Variants in COL6A3 observed in about 807,000 individuals in gnomAD.
COL6A3 encodes collagen type VI alpha 3 chain.
COL6A3 carries 137 observed loss-of-function variants against 274.1 expected under a neutral mutation model. The ratio of observed to expected loss-of-function variants is 0.50; its 90% CI spans 0.44 to 0.58. The LOEUF is 0.58. Ranked by LOEUF, COL6A3 falls within the 20% of genes least tolerant of loss-of-function variation. The pLI is 0.00. For synonymous variants in COL6A3, 1,650 were observed against 1,650.6 expected (o/e 1.00, Z 0.01); for missense variants, 3,950 against 4,124.9 (o/e 0.96, Z 1.16).
Position 237,378,765 on chromosome 2 carries a change from C to A in COL6A3, c.2368G>T (p.Ala790Ser), listed in dbSNP as rs1469348265. 6.2e-7 allele frequency: 1 copy of A among 1,614,216 alleles called. No individual in the cohort carries two copies. Among genetic ancestry groups the A allele is most frequent in the Non-Finnish European group, 8.5e-7 (1 of 1,180,044 alleles). ...AGATACACCAGGCTTGGGTTAAAAG[C>A]AATCTGCTCAAGCTCTGCCTTATTC... ...QANKAELEQI[A>S]FNPSLVYLMD... Residue 790 changes from alanine to serine, a missense_variant, in exon 6 of 44, where the codon GCT becomes TCT. By Grantham distance (99) the Ala-to-Ser change is moderately conservative. Coordinates refer to ENST00000295550, the MANE Select transcript of COL6A3 (RefSeq NM_004369.4).
chr2:237,412,846 C>T (rs534138646), intron 1 of COL6A3, among the ~76,000 whole-genome samples: 1 of 152,170 alleles, frequency 6.6e-6, no homozygotes, highest in South Asian at 2.1e-4. Context: ...AGCCAGTCAG[C>T]CGGGGCCACA....
Position 237,325,609 on chromosome 2 carries a change from G to A in COL6A3, c.9444C>T (p.Asn3148=), listed in dbSNP as rs144291325. ...CTTTCTGTGATCCAAATTTGTTTTC[G>A]TTTCCACCACAACCTCCATACCAGA... is the stretch of plus-strand genomic sequence containing the variant. The part of the protein sequence containing the change: ...ARFWYGGCGG[N]ENKFGSQKEC... The change falls in exon 43 of 44, where the codon AAC becomes AAT. Residue 3148 remains asparagine, a synonymous_variant. Coordinates refer to ENST00000295550, the MANE Select transcript of COL6A3 (RefSeq NM_004369.4). The A allele has an allele frequency of 3.0e-4, 487 of 1,614,088 alleles. 1 individual carries two copies. The highest frequency in any genetic ancestry group is 3.8e-4 in the Non-Finnish European group (454 of 1,180,016).
chr2:237,333,751 G>A lies in COL6A3; in HGVS notation c.9230-203C>T, dbSNP rs78802632. ...TTGGATCCATGAGCTAATAAGCGAC[G>A]GGAGGGGATCCCTGAACTTCTGAAC... On this transcript the variant is annotated intron_variant, in intron 41 of 43. Coordinates refer to ENST00000295550, the MANE Select transcript of COL6A3 (RefSeq NM_004369.4). Among the ~76,000 whole-genome samples the A allele has an allele frequency of 0.025, 3,811 of 152,240 alleles. 169 individuals are homozygous for A. The highest frequency in any genetic ancestry group is 0.086 in the African/African-American group (3,564 of 41,510).
chr2:237,407,936 C>T lies in COL6A3; in HGVS notation c.-31+6017G>A, dbSNP rs540675144. Among the ~76,000 whole-genome samples the T allele has an allele frequency of 8.5e-5, 13 of 152,294 alleles. No individual in the cohort carries two copies. The highest frequency in any genetic ancestry group is 2.2e-4 in the African/African-American group (9 of 41,548). Reference sequence around the variant, plus strand: ...TCCATTCCAACTCCTTGCCACGTGACGCTGCTGGATCCAAATTGGAGCTTG... The same window carrying T: ...TCCATTCCAACTCCTTGCCACGTGATGCTGCTGGATCCAAATTGGAGCTTG... On this transcript the variant is annotated intron_variant, in intron 1 of 43. Coordinates refer to ENST00000295550, the MANE Select transcript of COL6A3 (RefSeq NM_004369.4). This position sits in a 1 kb window ranked among gnomAD's most constrained non-coding sequence, Gnocchi z 4.3.
At chr2:237,352,611 T>A in intron 25 of COL6A3, 27 bp from the exon 26 acceptor site, 4 of 1,606,148 alleles carry the variant, frequency 2.5e-6, no homozygotes, top group Non-Finnish European at 3.4e-6. Flanking sequence ...CCATCGTGAG[T>A]GCTAATGAGG....
chr2:237,341,288 G>A, intron 37 of COL6A3, 138 bp from the exon 38 acceptor site: 1 of 825,186 alleles, frequency 1.2e-6, no homozygotes. Context: ...GCTCACGCCT[G>A]TAATCCCAGC....
intron 8 of COL6A3, among the ~76,000 whole-genome samples, chr2:237,373,357 C>A (rs939869471): frequency 1.3e-5 from 2 of 152,140 alleles, no homozygotes; most frequent in South Asian, 2.1e-4. Context: ...ACACACAAAG[C>A]GCCTTAGTTA....
intron 27 of COL6A3, 130 bp downstream of exon 27, chr2:237,351,000 C>CA (rs2077194910): frequency 2.3e-6 from 2 of 854,464 alleles, no homozygotes; most frequent in African/African-American, 3.3e-5. Context: ...CCGCGATCAA[C>CA]AGGGGAGGCT....
Position 237,378,993 on chromosome 2 carries a change from C to T in COL6A3, c.2140G>A (p.Gly714Ser). Reference sequence around the variant, plus strand: ...GCTGAGCCTGTGTTCAGGCCCGAACCTCCCTGGAGCTGCAGCTGCCTCAGA... The same window carrying T: ...GCTGAGCCTGTGTTCAGGCCCGAACTTCCCTGGAGCTGCAGCTGCCTCAGA... ...GHLRQLQLQG[G>S]SGLNTGSALS... Residue 714 changes from glycine to serine, a missense_variant, in exon 6 of 44, where the codon GGT (glycine) becomes AGT (serine). Physicochemically the swap from Gly to Ser is moderately conservative, Grantham distance 56. Coordinates refer to ENST00000295550, the MANE Select transcript of COL6A3 (RefSeq NM_004369.4). The T allele has an allele frequency of 6.2e-7, 1 of 1,614,184 alleles. No homozygotes were observed. The highest frequency in any genetic ancestry group is 8.5e-7 in the Non-Finnish European group (1 of 1,180,038).
At chr2:237,388,420 T>C (rs572400998) in intron 3 of COL6A3, among the ~76,000 whole-genome samples, 7 of 152,360 alleles carry the variant, frequency 4.6e-5, no homozygotes, top group African/African-American at 1.7e-4. Flanking sequence ...CAATTTTTCA[T>C]TTGTGCCATC....
intron 21 of COL6A3, 103 bp from the exon 22 acceptor site, chr2:237,357,985 G>T: frequency 9.0e-7 from 1 of 1,105,288 alleles, no homozygotes; most frequent in Non-Finnish European, 1.4e-6. Context: ...TGCATGCAAG[G>T]CTTCGAGGGA....
In COL6A3 at chr2:237,341,139, T is replaced by A. The variant is rs755107410; in HGVS notation, c.7777A>T (p.Ile2593Phe). ...TCHVCLDICN[I>F]DPSCGFGSWR... ...CTGCCAAATCCACAGGATGGGTCGA[T>A]GTTGCAGATGTCTAGAAAGAAGCAT... Residue 2593 changes from isoleucine (I) to phenylalanine (F), a missense_variant, in exon 38 of 44, where the codon ATC becomes TTC. Ile to Phe is a conservative substitution (Grantham distance 21, BLOSUM62 0). This residue lies in a region of COL6A3 where 1,284 missense variants were observed against 1,349.7 expected (regional missense o/e 0.95). Coordinates refer to ENST00000295550, the MANE Select transcript of COL6A3 (RefSeq NM_004369.4). 1.5e-5 allele frequency: 25 copies of A among 1,614,164 alleles called. No homozygotes were observed. The highest frequency in any genetic ancestry group is 2.1e-5 in the Non-Finnish European group (25 of 1,180,028).
Position 237,376,969 on chromosome 2 carries a change from C to G in COL6A3, c.2873G>C (p.Gly958Ala). Reference protein sequence around the residue: ...VAGRSSDRVDGPASNLKQSGV... With the variant: ...VAGRSSDRVDAPASNLKQSGV... Reference sequence around the variant, plus strand: ...ACTCTGCTTCAGGTTACTTGCTGGCCCATCCACACGGTCAGATGACCTTCC... The same window carrying G: ...ACTCTGCTTCAGGTTACTTGCTGGCGCATCCACACGGTCAGATGACCTTCC... The change falls in exon 7 of 44, where the codon GGG becomes GCG. Residue 958 changes from glycine (G) to alanine (A), a missense_variant. Physicochemically the swap from Gly to Ala is moderately conservative, Grantham distance 60. Transcript: ENST00000295550. 1 of 1,614,166 alleles carries G rather than the reference C, an allele frequency of 6.2e-7. No homozygotes were observed.
At chr2:237,378,357 TCA>T (rs2077905856) in intron 6 of COL6A3, among the ~76,000 whole-genome samples, 1 of 152,208 alleles carries the variant, frequency 6.6e-6, no homozygotes, top group South Asian at 2.1e-4. Context: ...TCCAGAATCC[TCA>T]CAGTCATTAG....
chr2:237,372,489 T>A (rs2077719299), intron 8 of COL6A3, 152 bp from the exon 9 acceptor site: 14 of 1,458,398 alleles, frequency 9.6e-6, no homozygotes, highest in Non-Finnish European at 1.3e-5. Flanking sequence ...GTCCTGGGCA[T>A]TTCAGTGTTT....
rs1395597644 is a variant in COL6A3, at chr2:237,366,012, C to T, written c.5524G>A (p.Gly1842Arg). Reference protein sequence around the residue: ...AKACNLDVILGFDGSRDQNVF... With the variant: ...AKACNLDVILRFDGSRDQNVF... ...TTCTGGTCTCTAGAACCATCAAACC[C>T]CAGAATCACATCCAGATTACAAGCT... is the stretch of plus-strand genomic sequence containing the variant. The change falls in exon 12 of 44, where the codon GGG (glycine) becomes AGG (arginine). Residue 1842 changes from glycine (G) to arginine (R), a missense_variant. Physicochemically the swap from Gly to Arg is moderately radical, Grantham distance 125. This residue lies in a region of COL6A3 where 632 missense variants were observed against 623.4 expected (regional missense o/e 1.01). Coordinates refer to ENST00000295550, the MANE Select transcript of COL6A3 (RefSeq NM_004369.4). 1 of 1,613,532 alleles carries T rather than the reference C, an allele frequency of 6.2e-7. No homozygotes were observed. The highest frequency in any genetic ancestry group is 1.7e-5 in the Admixed American group (1 of 59,996).
At chr2:237,356,025 G>A (rs1219517054) in intron 23 of COL6A3, among the ~76,000 whole-genome samples, 1 of 152,186 alleles carries the variant, frequency 6.6e-6, no homozygotes, top group African/African-American at 2.4e-5. Flanking sequence ...TTTCAGCTTG[G>A]CCTGAGCCTG....
At position 237,364,531 on chromosome 2, in the gene COL6A3, C is replaced by T. The variant is rs112012504; in HGVS notation, c.5839-103G>A. On this transcript the variant is annotated intron_variant, in intron 12 of 43. Coordinates refer to ENST00000295550, the MANE Select transcript of COL6A3 (RefSeq NM_004369.4). This position sits in a 1 kb window ranked among gnomAD's most constrained non-coding sequence, Gnocchi z 4.6. ...TCGCTGTCTCAAGCCCTTCATTTTA[C>T]ACTTAAGGAAACTGAGGGCCCAAGT... The T allele has an allele frequency of 1.7e-3, 1,583 of 920,058 alleles. 14 individuals are homozygous for T. In the African/African-American group the frequency reaches 0.022, roughly 13 times the overall value. 57.0% of individuals were successfully genotyped at this position (920,058 alleles called of 1,614,324 possible).
chr2:237,399,041 G>C (rs939220338), intron 1 of COL6A3, among the ~76,000 whole-genome samples: 2 of 152,184 alleles, frequency 1.3e-5, no homozygotes, highest in African/African-American at 4.8e-5. Flanking sequence ...CAGAGAATAA[G>C]TGGCCAAGGT....
Sources: allele counts gnomAD v4.1 joint callset (sites outside exome capture counted in the v4.1 genomes callset), GRCh38; gene constraint gnomAD v4.1.1; regional missense constraint gnomAD v4.1.1; non-coding constraint Gnocchi (gnomAD v3.1); transcripts MANE v1.5; gene names NCBI Gene and HGNC (gene_info 2026-07-23, HGNC 2026-07-21).